Variants in EMSY observed in about 807,000 individuals in gnomAD.
The protein encoded by EMSY is BRCA2-interacting transcriptional repressor EMSY.
Under a neutral mutation model 134.6 loss-of-function variants are expected in EMSY, and 26 were observed. The ratio of observed to expected loss-of-function variants is 0.19; its 90% CI spans 0.14 to 0.27. The LOEUF is 0.27. EMSY is among the 10% of genes least tolerant of loss of function. The pLI is 1.00. For missense variants in EMSY, 1,305 were observed against 1,611.4 expected (o/e 0.81, Z 3.26); for synonymous variants, 579 against 577.8 (o/e 1.00, Z -0.03).
rs116023734 is a variant in EMSY, at chr11:76,517,473, A to G, written c.1684+1161A>G. On this transcript the variant is annotated intron_variant, in intron 11 of 20. Coordinates refer to ENST00000334736, the Ensembl canonical transcript of EMSY. ...CACTTACTCAGTTAAACATTTGTCA[A>G]AAAGGGATCTTATATTTCATTGGTA... Among the ~76,000 whole-genome samples, 334 of 152,314 alleles carry G rather than the reference A, an allele frequency of 2.2e-3. 1 individual carries two copies. Among genetic ancestry groups the G allele is most frequent in the African/African-American group, 7.8e-3 (325 of 41,584 alleles).
chr11:76,500,326 C>A (rs1949812942), intron 9 of EMSY, among the ~76,000 whole-genome samples: 1 of 152,102 alleles, frequency 6.6e-6, no homozygotes, highest in Non-Finnish European at 1.5e-5. Flanking sequence ...ACAGATAGCT[C>A]CTAATCTCTT....
In EMSY at chr11:76,459,923, G is replaced by A. The variant is rs369145611; in HGVS notation, c.422-13G>A. On this transcript the variant is annotated splice_polypyrimidine_tract_variant and intron_variant, in intron 5 of 20. Coordinates refer to ENST00000334736, the Ensembl canonical transcript of EMSY. Reference sequence around the variant, plus strand: ...AAAGTTAACAGCAAACTTTTTTATCGTTCCTTCAGTAGTGGTTTGCTATTC... The same window carrying A: ...AAAGTTAACAGCAAACTTTTTTATCATTCCTTCAGTAGTGGTTTGCTATTC... 3.0e-5 allele frequency: 48 copies of A among 1,606,426 alleles called. No individual in the cohort carries two copies. The African/African-American group carries it at 3.9e-4, about 13-fold the overall frequency.
chr11:76,531,088 C>T (rs1383666754), intron 14 of EMSY, among the ~76,000 whole-genome samples: 3 of 152,032 alleles, frequency 2.0e-5, no homozygotes, highest in African/African-American at 7.2e-5. Flanking sequence ...TGTGTATATT[C>T]TTAAAATTTC....
chr11:76,547,577 G>C (rs1167977461), intron 20 of EMSY, among the ~76,000 whole-genome samples: 1 of 152,122 alleles, frequency 6.6e-6, no homozygotes, highest in African/African-American at 2.4e-5. Flanking sequence ...CAGTAAAATG[G>C]GAATCAGTAA....
chr11:76,487,238 C>G (rs900061342), intron 8 of EMSY, among the ~76,000 whole-genome samples: 8 of 152,218 alleles, frequency 5.3e-5, no homozygotes, highest in African/African-American at 1.9e-4. Context: ...TGAGATGGTG[C>G]CACTGCACTG....
Position 76,535,943 on chromosome 11 carries a change from C to A in EMSY, c.2243C>A (p.Ser748Ter). Residue 748 changes from serine to a stop codon, truncating the protein, a stop_gained, in exon 15 of 21, where the codon TCA becomes TAA. Transcript: ENST00000334736. LOFTEE classifies it high-confidence loss of function. The stretch of plus-strand genomic sequence containing the variant: ...ATTGCTTCCCGGCGTCAGGATTGGT[C>A]AGAACATGAGATTGCAATGGAGACT... 1 of 1,585,494 alleles carries A rather than the reference C, an allele frequency of 6.3e-7. No homozygotes were observed. Among genetic ancestry groups the A allele is most frequent in the Non-Finnish European group, 8.6e-7 (1 of 1,165,814 alleles).
chr11:76,539,531 G>A (rs1450315968), intron 16 of EMSY, 68 bp from the exon 18 acceptor site: 7 of 1,492,848 alleles, frequency 4.7e-6, no homozygotes, highest in Non-Finnish European at 5.6e-6. Context: ...ACCTCTGGGG[G>A]TAGACTAGAT....
intron 8 of EMSY, among the ~76,000 whole-genome samples, chr11:76,474,969 G>A (rs1948720504): frequency 6.6e-6 from 1 of 152,044 alleles, no homozygotes; most frequent in Non-Finnish European, 1.5e-5. Flanking sequence ...TTGCCGTGTT[G>A]CCCAGGCTGA....
exon 7 of EMSY, chr11:76,463,919 G>A (rs768774733): frequency 9.3e-6 from 15 of 1,614,174 alleles, no homozygotes; most frequent in East Asian, 2.2e-5. Context: ...TCCAAAGGCC[G>A]TTGTTCCAGT....
intron 10 of EMSY, among the ~76,000 whole-genome samples, chr11:76,515,885 T>G (rs962615979): frequency 6.6e-6 from 1 of 152,198 alleles, no homozygotes; most frequent in Non-Finnish European, 1.5e-5. Context: ...TTAACTCTAC[T>G]TTTTCTTGGG....
chr11:76,502,040 A>C (rs1949879911), intron 9 of EMSY, among the ~76,000 whole-genome samples: 1 of 134,774 alleles, frequency 7.4e-6, no homozygotes, highest in Non-Finnish European at 1.6e-5. Flanking sequence ...AACACATTTG[A>C]AATGAAAAAA....
At chr11:76,531,328 A>G (rs780021885) in intron 14 of EMSY, among the ~76,000 whole-genome samples, 5 of 152,244 alleles carry the variant, frequency 3.3e-5, no homozygotes, top group Non-Finnish European at 7.3e-5. Context: ...AGGTCGACAC[A>G]TTGCATTTAG....
chr11:76,518,136 C>A (rs1268835801), intron 11 of EMSY, among the ~76,000 whole-genome samples: 1 of 150,424 alleles, frequency 6.6e-6, no homozygotes, highest in Non-Finnish European at 1.5e-5. Flanking sequence ...TTCTAGGGTC[C>A]CATCTTCCCC....
At chr11:76,537,153 C>T (rs1338132318) in intron 15 of EMSY, among the ~76,000 whole-genome samples, 4 of 152,068 alleles carry the variant, frequency 2.6e-5, no homozygotes, top group African/African-American at 7.3e-5. Flanking sequence ...GGACTTTGAA[C>T]GCATAGATTT....
chr11:76,490,577 C>T (rs113499913), intron 8 of EMSY, among the ~76,000 whole-genome samples: 1,872 of 152,314 alleles, frequency 0.012, 29 homozygotes, highest in African/African-American at 0.041. Context: ...TATTTCCTCT[C>T]TCCCTTCCTT....
chr11:76,500,080 A>T (rs1372336634), intron 9 of EMSY, among the ~76,000 whole-genome samples: 2 of 151,078 alleles, frequency 1.3e-5, no homozygotes, highest in South Asian at 2.1e-4. Flanking sequence ...CTATCTCAAA[A>T]AAAAAAAAAA....
At chr11:76,472,468 C>A in intron 7 of EMSY, 96 bp from the exon 9 acceptor site, 1 of 1,189,928 alleles carries the variant, frequency 8.4e-7, no homozygotes, top group Non-Finnish European at 1.2e-6. Context: ...CTTCGTTTTT[C>A]ATAAGCTATT....
At chr11:76,526,697 C>A in intron 13 of EMSY, 62 bp downstream of exon 14, 1 of 1,415,106 alleles carries the variant, frequency 7.1e-7, no homozygotes, top group Non-Finnish European at 9.6e-7. Flanking sequence ...TTATAATTCC[C>A]GGGTAGAAAT....
chr11:76,491,987 G>A (rs12575935), intron 8 of EMSY, among the ~76,000 whole-genome samples: 12 of 152,222 alleles, frequency 7.9e-5, no homozygotes, highest in African/African-American at 2.4e-4. Flanking sequence ...TGATAGACTC[G>A]TGTGATCATT....
Sources: gnomAD v4.1 joint callset for allele counts (sites outside exome capture counted in the v4.1 genomes callset) on GRCh38, gnomAD v4.1.1 for gene constraint, MANE v1.5 for transcripts, NCBI Gene and HGNC (gene_info 2026-07-23, HGNC 2026-07-21) for gene names.